Variants in XKR5 observed in about 807,000 individuals in gnomAD.
XKR5 encodes the protein XK related 5, also known as XK-related protein 5.
Under a neutral mutation model 40.8 loss-of-function variants are expected in XKR5, and 46 were observed. The ratio of observed to expected loss-of-function variants is 1.13; its 90% confidence interval spans 0.89 to 1.44. XKR5 has a LOEUF of 1.44. Among genes scored for constraint, XKR5 ranks in the 40% most tolerant of loss-of-function variants. XKR5 has a pLI of 0.00. For missense variants in XKR5, 1,169 were observed against 844.7 expected, an observed-to-expected ratio of 1.38 and a Z score of -4.76; for synonymous variants, 466 against 356.1, an observed-to-expected ratio of 1.31 and a Z score of -3.48.
At chr8:6,823,450 T>C in intron 4 of XKR5, 71 bp downstream of exon 4, 1 of 1,482,962 alleles carries the variant, frequency 6.7e-7, no homozygotes, top group Non-Finnish European at 9.2e-7. Context: ...TATGTGGTTA[T>C]TCTTGAGACC....
In XKR5 at chr8:6,821,078, G is replaced by T. The variant is rs193166615; in HGVS notation, c.807+791C>A. On this transcript the variant is annotated intron_variant, in intron 5 of 6. Coordinates refer to ENST00000618742, the MANE Select transcript of XKR5 (RefSeq NM_207411.5). ...GAGGGGGGTGACTTATTCCTAGCGTGTGCATGAAAAAGTAGGTTCAGACAG... is the reference window on the plus strand; with the variant it reads ...GAGGGGGGTGACTTATTCCTAGCGTTTGCATGAAAAAGTAGGTTCAGACAG... Among the ~76,000 whole-genome samples, 485 of 152,330 alleles carry T rather than the reference G, an allele frequency of 3.2e-3. 3 individuals are homozygous for T. Among genetic ancestry groups the T allele is most frequent in the African/African-American group, 0.011 (463 of 41,568 alleles).
chr8:6,831,636 C>G (rs1804768154), intron 2 of XKR5, among the ~76,000 whole-genome samples: 1 of 152,066 alleles, frequency 6.6e-6, no homozygotes, highest in African/African-American at 2.4e-5. Flanking sequence ...CCCTTGAACA[C>G]CTTTCCAACC....
chr8:6,829,747 C>G (rs1369944868), intron 2 of XKR5, among the ~76,000 whole-genome samples: 2 of 151,308 alleles, frequency 1.3e-5, no homozygotes, highest in Non-Finnish European at 2.9e-5. Context: ...GAACTCCTGG[C>G]CTCAAGAGAT....
At position 6,812,038 on chromosome 8, in the gene XKR5, C is replaced by T; in HGVS notation, c.1221G>A (p.Trp407Ter). 1.3e-6 allele frequency: 2 copies of T among 1,538,176 alleles called. No individual in the cohort carries two copies. The highest frequency in any genetic ancestry group is 1.7e-6 in the Non-Finnish European group (2 of 1,146,924). The part of the protein sequence containing the change: ...DSFLSHHHWL[W>*]VKLALKTGNV... ...TTCCTGTTTTTAGGGCAAGTTTCAC[C>T]CACAGCCAGTGGTGATGACTGAGGA... The change falls in exon 7 of 7, where the codon TGG becomes TGA. Residue 407 changes from tryptophan (W) to a stop codon, truncating the protein, a stop_gained. Coordinates refer to ENST00000618742, the MANE Select transcript of XKR5 (RefSeq NM_207411.5). LOFTEE classifies it low-confidence loss of function (END_TRUNC).
chr8:6,829,938 T>C (rs533480719), intron 2 of XKR5, among the ~76,000 whole-genome samples: 29 of 138,964 alleles, frequency 2.1e-4, no homozygotes, highest in African/African-American at 3.7e-4. Flanking sequence ...AACGGGTTCA[T>C]GCCATTCTCC....
intron 2 of XKR5, among the ~76,000 whole-genome samples, chr8:6,832,297 CA>C: frequency 6.6e-6 from 1 of 152,284 alleles, no homozygotes; most frequent in Middle Eastern, 3.4e-3. Flanking sequence ...AGTCTTGAAG[CA>C]AATGTCAACA....
chr8:6,822,442 C>T (rs927883036), intron 4 of XKR5, among the ~76,000 whole-genome samples: 1 of 152,108 alleles, frequency 6.6e-6, no homozygotes, highest in African/African-American at 2.4e-5. Flanking sequence ...TGTGGTGCAG[C>T]TTTAATTTTT....
intron 5 of XKR5, among the ~76,000 whole-genome samples, chr8:6,817,897 G>T (rs564960382): frequency 7.9e-5 from 12 of 152,164 alleles, no homozygotes; most frequent in Non-Finnish European, 1.5e-4. Context: ...CTCCCAGCAA[G>T]TGACAAGCGC....
intron 4 of XKR5, 22 bp downstream of exon 4, chr8:6,823,499 C>T (rs1358263135): frequency 1.3e-6 from 2 of 1,563,566 alleles, no homozygotes; most frequent in Non-Finnish European, 8.7e-7. Context: ...CAACAGATGA[C>T]CAGATCATTA....
intron 4 of XKR5, among the ~76,000 whole-genome samples, chr8:6,823,127 C>T (rs12678222): frequency 0.13 from 19,694 of 152,136 alleles, 1,803 homozygotes; most frequent in East Asian, 0.33. Context: ...AGCCAGCACG[C>T]GTTCCTTCCT....
intron 3 of XKR5, among the ~76,000 whole-genome samples, chr8:6,824,483 T>C (rs1804372168): frequency 6.6e-6 from 1 of 152,154 alleles, no homozygotes; most frequent in Non-Finnish European, 1.5e-5. Flanking sequence ...TGTTCTCAGT[T>C]TCCACATGGC....
chr8:6,811,024 A>C lies in XKR5; in HGVS notation c.*174T>G, dbSNP rs868271666. ...GTGGGGTCTGTGATGTTTGCATTGG[A>C]CCTGCAAAATCATCCAGCCCTGTTT... On this transcript the variant is annotated 3_prime_UTR_variant, in exon 7 of 7. Transcript: ENST00000618742. 1.1e-5 allele frequency: 7 copies of C among 660,950 alleles called. No homozygotes were observed. In the South Asian group the frequency reaches 1.4e-4, roughly 13 times the overall value. 40.9% of individuals were successfully genotyped at this position (660,950 alleles called of 1,614,324 possible). A position where few individuals can be genotyped will look rare whatever the true frequency, so the allele number is the denominator to read the frequency against.
chr8:6,815,519 G>A (rs150793685), intron 6 of XKR5, among the ~76,000 whole-genome samples: 2 of 152,176 alleles, frequency 1.3e-5, no homozygotes, highest in African/African-American at 2.4e-5. Flanking sequence ...GAGAAGTCAC[G>A]TCCTCAACCC....
chr8:6,816,023 GC>G, intron 5 of XKR5, 105 bp from the exon 6 acceptor site: 3 of 772,858 alleles, frequency 3.9e-6, no homozygotes, highest in Admixed American at 4.6e-5. Context: ...CATCCTGAGT[GC>G]CCACTGGAGA....
chr8:6,835,401 C>A, intron 1 of XKR5, 35 bp downstream of exon 1: 1 of 1,426,856 alleles, frequency 7.0e-7, no homozygotes, highest in Non-Finnish European at 9.1e-7. Context: ...TTAGGGGCTG[C>A]AGGGGTGAGC....
At chr8:6,831,507 C>A (rs1407202808) in intron 2 of XKR5, among the ~76,000 whole-genome samples, 2 of 152,140 alleles carry the variant, frequency 1.3e-5, no homozygotes, top group African/African-American at 4.8e-5. Flanking sequence ...CGGCACCATT[C>A]CCTGCTCACA....
chr8:6,827,900 T>C (rs1227851139), intron 2 of XKR5, among the ~76,000 whole-genome samples: 2 of 151,804 alleles, frequency 1.3e-5, no homozygotes, highest in Non-Finnish European at 2.9e-5. Context: ...ACTCCATGTC[T>C]ACAAAACAAA....
At chr8:6,823,814 T>C in intron 3 of XKR5, 84 bp from the exon 4 acceptor site, 1 of 1,196,616 alleles carries the variant, frequency 8.4e-7, no homozygotes, top group Non-Finnish European at 1.2e-6. Context: ...TGGCATTTCT[T>C]TAATGGGATG....
chr8:6,825,390 T>C (rs754888307), intron 2 of XKR5, 41 bp from the exon 3 acceptor site: 43 of 1,474,536 alleles, frequency 2.9e-5, no homozygotes, highest in Non-Finnish European at 3.9e-5. Context: ...AGCCAGGCTG[T>C]GGCGAGATTC....
Sources: gnomAD v4.1 joint callset for allele counts (sites outside exome capture counted in the v4.1 genomes callset) on GRCh38, gnomAD v4.1.1 for gene constraint, MANE v1.5 for transcripts, NCBI Gene and HGNC (gene_info 2026-07-23, HGNC 2026-07-21) for gene names.